The following RNLS variants were observed in gnomAD, a reference collection of about 807,000 sequenced individuals.
The protein encoded by RNLS is renalase, FAD dependent amine oxidase.
RNLS carries 39 observed loss-of-function variants against 39.8 expected under a neutral mutation model. The ratio of observed to expected loss-of-function variants is 0.98; its 90% CI spans 0.76 to 1.28. The LOEUF (loss-of-function observed/expected upper bound fraction) is 1.28, where lower values mean the gene tolerates loss of function less well. Among genes scored for constraint, RNLS ranks in the 50% most tolerant of loss-of-function variants. The pLI is 0.00. For synonymous variants in RNLS, 147 were observed against 150.7 expected, an observed-to-expected ratio of 0.98 and a Z score of 0.18; for missense variants, 410 against 413.3, an observed-to-expected ratio of 0.99 and a Z score of 0.07.
At chr10:88,316,751 A>C (rs1310229467) in intron 5 of RNLS, among the ~76,000 whole-genome samples, 1 of 152,192 alleles carries the variant, frequency 6.6e-6, no homozygotes, top group Non-Finnish European at 1.5e-5. Flanking sequence ...CTAAAGTGAA[A>C]TAGTTCTCGC....
chr10:88,511,559 G>T (rs1328177758), intron 4 of RNLS, among the ~76,000 whole-genome samples: 1 of 152,090 alleles, frequency 6.6e-6, no homozygotes, highest in African/African-American at 2.4e-5. Flanking sequence ...GGATGAGAAG[G>T]TATAGATGGG....
chr10:88,219,530 C>G, the RNLS span, among the ~76,000 whole-genome samples: 1 of 152,182 alleles, frequency 6.6e-6, no homozygotes, highest in East Asian at 1.9e-4. Flanking sequence ...TTGGTTTCTA[C>G]CTAATTGTAC....
chr10:88,403,342 TTGA>T (rs559854449), intron 4 of RNLS, among the ~76,000 whole-genome samples: 466 of 152,202 alleles, frequency 3.1e-3, no homozygotes, highest in Non-Finnish European at 5.0e-3. Context: ...GGCTGGCTAT[TTGA>T]TGATATTAAT....
rs1434311714 is a variant in RNLS, at chr10:88,569,278, G to A, written c.526+3625C>T. ...GAAACAGATGTTTTAGATATTTAAG[G>A]TTTTAACAGGAAAGTATTCCAATTT... On this transcript the variant is annotated intron_variant, in intron 4 of 6. Coordinates refer to ENST00000331772, the MANE Select transcript of RNLS (RefSeq NM_001031709.3). 2.6e-5 allele frequency among the ~76,000 whole-genome samples: 4 copies of A among 151,500 alleles called. No homozygotes were observed. In the East Asian group the frequency reaches 7.8e-4, roughly 29 times the overall value.
At position 88,418,081 on chromosome 10, in the gene RNLS, CTT is replaced by C. The variant is rs35536346; in HGVS notation, c.527-55358_527-55357del. ...CAGGATGGAAAAAGTGAGCTTTTGT[CTT>C]TTTTTTTTTTTTTTTAAATTCCTAG... On this transcript the variant is annotated intron_variant, in intron 4 of 6. Transcript: ENST00000331772. Among the ~76,000 whole-genome samples, 1,391 of 143,824 alleles carry C rather than the reference CTT, an allele frequency of 9.7e-3. 2 individuals carry two copies. Among genetic ancestry groups the C allele is most frequent in the Non-Finnish European group, 0.013 (830 of 65,852 alleles). 94.4% of individuals were successfully genotyped at this position (143,824 alleles called of 152,430 possible). A position where few individuals can be genotyped will look rare whatever the true frequency, so the allele number is the denominator to read the frequency against.
At chr10:88,203,252 GTGTGTGTGT>G in the RNLS span, among the ~76,000 whole-genome samples, 2 of 25,768 alleles carry the variant, frequency 7.8e-5, 1 homozygote, top group Non-Finnish European at 1.3e-4. Flanking sequence ...GTGTGTGTGT[GTGTGTGTGT>G]GTGTATGTAT....
chr10:88,240,413 TA>T, the RNLS span, among the ~76,000 whole-genome samples: 46,427 of 150,112 alleles, frequency 0.31, 7,658 homozygotes, highest in Non-Finnish European at 0.38. Flanking sequence ...GTCCTTTTTT[TA>T]AAAAAAAAAA....
At chr10:88,468,571 G>A (rs1478194708) in intron 4 of RNLS, among the ~76,000 whole-genome samples, 2 of 148,664 alleles carry the variant, frequency 1.3e-5, no homozygotes, top group East Asian at 4.0e-4. Flanking sequence ...GTAACTGGAT[G>A]TGTCCTTTAC....
intron 4 of RNLS, among the ~76,000 whole-genome samples, chr10:88,467,092 G>T (rs983391352): frequency 6.6e-6 from 1 of 151,972 alleles, no homozygotes; most frequent in Non-Finnish European, 1.5e-5. Flanking sequence ...TTGGAGTTTG[G>T]AAAGCTCACT....
At position 88,284,499 on chromosome 10, in the gene RNLS, G is replaced by A. The variant is rs929731657; in HGVS notation, c.*855C>T. ...CTTGGCAAATATTGAACTATTTTAA[G>A]TGCATCTATTTTCTGGTTCAGTAAA... On this transcript the variant is annotated 3_prime_UTR_variant, in exon 7 of 7. Coordinates refer to ENST00000331772, the MANE Select transcript of RNLS (RefSeq NM_001031709.3). 8 of 985,304 alleles carry A rather than the reference G, an allele frequency of 8.1e-6. No homozygotes were observed. Among genetic ancestry groups the A allele is most frequent in the Non-Finnish European group, 9.6e-6 (8 of 829,904 alleles). The allele number at this position is 985,304 out of a possible 1,614,324, so 61.0% of individuals were successfully genotyped here.
the RNLS span, among the ~76,000 whole-genome samples, chr10:88,205,319 T>C: frequency 5.3e-5 from 8 of 152,122 alleles, no homozygotes; most frequent in Non-Finnish European, 1.0e-4. Flanking sequence ...AACTAATTTT[T>C]ATCCTGAAGT....
the RNLS span, among the ~76,000 whole-genome samples, chr10:88,257,339 G>A: frequency 6.6e-6 from 1 of 152,144 alleles, no homozygotes; most frequent in Middle Eastern, 3.2e-3. Flanking sequence ...TGGTAGGAAG[G>A]GATTAATGGG....
At chr10:88,575,157 TATACAC>T (rs1303498469) in intron 3 of RNLS, among the ~76,000 whole-genome samples, 367 of 36,610 alleles carry the variant, frequency 0.01, no homozygotes, top group African/African-American at 0.012. Context: ...TATATATATA[TATACAC>T]ACACACACAC....
At chr10:88,434,769 C>T (rs1186983664) in intron 4 of RNLS, among the ~76,000 whole-genome samples, 2 of 152,076 alleles carry the variant, frequency 1.3e-5, no homozygotes, top group African/African-American at 4.8e-5. Flanking sequence ...TGGGTACATT[C>T]TTTAAGCTAA....
At chr10:88,352,729 A>G (rs1336948113) in intron 5 of RNLS, among the ~76,000 whole-genome samples, 1 of 152,200 alleles carries the variant, frequency 6.6e-6, no homozygotes, top group Non-Finnish European at 1.5e-5. Flanking sequence ...TGAGTTAGGG[A>G]GGATTCCCTC....
the RNLS span, among the ~76,000 whole-genome samples, chr10:88,237,260 TTTC>T: frequency 1.6e-4 from 15 of 96,564 alleles, no homozygotes; most frequent in South Asian, 7.8e-4. Flanking sequence ...CTTCCCTCCC[TTTC>T]TTCTTCTTTT....
chr10:88,171,928 A>G, the RNLS span, among the ~76,000 whole-genome samples: 4 of 152,050 alleles, frequency 2.6e-5, no homozygotes, highest in African/African-American at 7.2e-5. Context: ...TCTATGTCTG[A>G]CTTATTTCAC....
intron 5 of RNLS, among the ~76,000 whole-genome samples, chr10:88,354,787 T>C (rs1361116284): frequency 1.3e-5 from 2 of 152,264 alleles, no homozygotes; most frequent in African/African-American, 4.8e-5. Flanking sequence ...GGAAATTCTC[T>C]GGATAACATC....
At chr10:88,223,873 G>T in the RNLS span, among the ~76,000 whole-genome samples, 10 of 152,016 alleles carry the variant, frequency 6.6e-5, no homozygotes, top group Non-Finnish European at 7.4e-5. Flanking sequence ...ACATCGTCTG[G>T]CCCCAAGGAG....
Sources: gnomAD v4.1 joint callset for allele counts (sites outside exome capture counted in the v4.1 genomes callset) on GRCh38, gnomAD v4.1.1 for gene constraint, MANE v1.5 for transcripts, NCBI Gene and HGNC (gene_info 2026-07-23, HGNC 2026-07-21) for gene names.